Variants in HMCES observed in about 807,000 individuals in gnomAD.
HMCES encodes the protein 5-hydroxymethylcytosine binding, ES cell specific.
Under a neutral mutation model 35.1 loss-of-function variants are expected in HMCES, and 27 were observed. The observed-to-expected ratio is 0.77, with a 90% CI of 0.57 to 1.06. The LOEUF is 1.06. Among genes scored for constraint, HMCES ranks in the 50% least tolerant of loss-of-function variants. The pLI, the probability that HMCES is intolerant of heterozygous loss-of-function variation, is 0.00. For synonymous variants in HMCES, 130 were observed against 154.7 expected (o/e 0.84, Z 1.18); for missense variants, 391 against 430.4 (o/e 0.91, Z 0.81).
rs749565505 is a variant in HMCES, at chr3:129,301,947, C to T, written c.636-3C>T. 6.2e-7 allele frequency: 1 copy of T among 1,610,456 alleles called. No individual in the cohort carries two copies. The highest frequency in any genetic ancestry group is 1.7e-5 in the Admixed American group (1 of 59,648). On this transcript the variant is annotated splice_polypyrimidine_tract_variant and splice_region_variant and intron_variant, in intron 5 of 6. Transcript: ENST00000383463. The stretch of plus-strand genomic sequence containing the variant: ...CAACCATTGTCTTAACTTCCCTGGC[C>T]AGGATGCCTGCCATATTAGATGGAG...
rs1387685560 is a variant in HMCES at position 129,305,149 on chromosome 3, T to A, written c.*324T>A. ...CTGGGAAGTCTCTGCCCTGATCTGGTACTCCTTGTAGTAAGCTGTTTTCTG... is the reference window on the plus strand; with the variant it reads ...CTGGGAAGTCTCTGCCCTGATCTGGAACTCCTTGTAGTAAGCTGTTTTCTG... On this transcript the variant is annotated 3_prime_UTR_variant, in exon 7 of 7. Coordinates refer to ENST00000383463, the MANE Select transcript of HMCES (RefSeq NM_020187.3). 6.2e-6 allele frequency: 2 copies of A among 322,272 alleles called. No homozygotes were observed. Among genetic ancestry groups the A allele is most frequent in the East Asian group, 1.1e-4 (2 of 18,538 alleles). The allele number at this position is 322,272 out of a possible 1,614,324, so 20.0% of individuals were successfully genotyped here. A position where few individuals can be genotyped will look rare whatever the true frequency, so the allele number is the denominator to read the frequency against.
chr3:129,303,282 T>G (rs564316954), intron 6 of HMCES, among the ~76,000 whole-genome samples: 1 of 152,316 alleles, frequency 6.6e-6, no homozygotes, highest in South Asian at 2.1e-4. Context: ...ACTTGGAATG[T>G]TCCAAGAATA....
chr3:129,291,031 C>A (rs1008973921), intron 4 of HMCES, among the ~76,000 whole-genome samples: 1 of 151,940 alleles, frequency 6.6e-6, no homozygotes, highest in Non-Finnish European at 1.5e-5. Flanking sequence ...GGTGAAACCC[C>A]GTCTCTACAA....
intron 4 of HMCES, among the ~76,000 whole-genome samples, chr3:129,295,821 G>T (rs904116427): frequency 6.6e-6 from 1 of 152,108 alleles, no homozygotes; most frequent in African/African-American, 2.4e-5. Flanking sequence ...TGAATACATT[G>T]TGTGTATGTG....
At chr3:129,303,193 C>T (rs73862884) in intron 6 of HMCES, among the ~76,000 whole-genome samples, 10,095 of 152,070 alleles carry the variant, frequency 0.066, 1,083 homozygotes, top group African/African-American at 0.23. Context: ...AAAAAGCTGG[C>T]CCCCACTGAC....
chr3:129,287,137 A>G (rs1013075203), intron 2 of HMCES, among the ~76,000 whole-genome samples: 9 of 152,160 alleles, frequency 5.9e-5, no homozygotes, highest in African/African-American at 2.2e-4. Flanking sequence ...GGATACTGCA[A>G]GCATGTTACT....
intron 2 of HMCES, among the ~76,000 whole-genome samples, chr3:129,286,362 C>T (rs1218095361): frequency 6.6e-6 from 1 of 152,136 alleles, no homozygotes; most frequent in African/African-American, 2.4e-5. Flanking sequence ...GAAAGTGGGC[C>T]CTCACCAGAC....
intron 4 of HMCES, among the ~76,000 whole-genome samples, chr3:129,295,256 C>T (rs2071078068): frequency 6.7e-6 from 1 of 149,190 alleles, no homozygotes; most frequent in Non-Finnish European, 1.5e-5. Context: ...TTAGTATATT[C>T]AAAACCTTGG....
At chr3:129,287,628 A>C (rs1221674594) in intron 2 of HMCES, among the ~76,000 whole-genome samples, 1 of 152,146 alleles carries the variant, frequency 6.6e-6, no homozygotes, top group Non-Finnish European at 1.5e-5. Context: ...AACCACCCTT[A>C]TGAGTTGGGG....
rs2071226495 is a variant in HMCES, at chr3:129,305,778, T to C, written c.*953T>C. 1 of 152,278 alleles carries C rather than the reference T, an allele frequency of 6.6e-6. No homozygotes were observed. The highest frequency in any genetic ancestry group is 1.5e-5 in the Non-Finnish European group (1 of 68,110). 9.4% of individuals were successfully genotyped at this position (152,278 alleles called of 1,614,324 possible). On this transcript the variant is annotated 3_prime_UTR_variant, in exon 7 of 7. Transcript: ENST00000383463. The stretch of plus-strand genomic sequence containing the variant: ...GGGGGCGGGGGTGCAGGCCCCAGTC[T>C]CTATGCAAATCAGGGATCAGAAGAT...
chr3:129,297,076 GGT>G (rs2071102364), intron 4 of HMCES, among the ~76,000 whole-genome samples: 1 of 152,128 alleles, frequency 6.6e-6, no homozygotes. Context: ...CAAGTGCTCT[GGT>G]GTTATCCAGT....
chr3:129,287,195 T>G (rs367674908), intron 2 of HMCES, among the ~76,000 whole-genome samples: 71 of 138,058 alleles, frequency 5.1e-4, no homozygotes, highest in Admixed American at 1.2e-3. Flanking sequence ...AGTGTTTTTG[T>G]TTTTTTTTGT....
At chr3:129,289,525 TTTATTG>T (rs1940739283) in intron 3 of HMCES, among the ~76,000 whole-genome samples, 3 of 152,188 alleles carry the variant, frequency 2.0e-5, no homozygotes, top group Admixed American at 2.0e-4. Flanking sequence ...GCTGTATTCT[TTTATTG>T]TTATTGTTTA....
At chr3:129,296,022 T>G (rs1266472669) in intron 4 of HMCES, among the ~76,000 whole-genome samples, 1 of 152,200 alleles carries the variant, frequency 6.6e-6, no homozygotes, top group Non-Finnish European at 1.5e-5. Context: ...TTTCTTTCTT[T>G]TTTTCTTCTC....
chr3:129,303,828 G>A (rs1186763449), intron 6 of HMCES, among the ~76,000 whole-genome samples: 2 of 151,624 alleles, frequency 1.3e-5, no homozygotes, highest in Non-Finnish European at 2.9e-5. Flanking sequence ...CTGCAGCCTC[G>A]AACTCCTGGG....
chr3:129,297,040 C>T (rs1243963081), intron 4 of HMCES, among the ~76,000 whole-genome samples: 2 of 152,180 alleles, frequency 1.3e-5, no homozygotes, highest in Non-Finnish European at 2.9e-5. Flanking sequence ...GACCAGGCTA[C>T]AGTGCCTTTG....
intron 6 of HMCES, among the ~76,000 whole-genome samples, chr3:129,303,863 C>T (rs2071201557): frequency 6.6e-6 from 1 of 152,148 alleles, no homozygotes; most frequent in Non-Finnish European, 1.5e-5. Flanking sequence ...CCACCTCAGC[C>T]TCCCAGGTAG....
intron 2 of HMCES, among the ~76,000 whole-genome samples, chr3:129,280,649 T>C (rs568209674): frequency 1.3e-5 from 2 of 152,360 alleles, no homozygotes; most frequent in South Asian, 4.1e-4. Context: ...TTTTATTCTT[T>C]CTGCTTGTGT....
chr3:129,288,751 AT>A, intron 2 of HMCES, 102 bp from the exon 3 acceptor site: 1 of 941,906 alleles, frequency 1.1e-6, no homozygotes, highest in Non-Finnish European at 1.4e-6. Context: ...ATAATCTTGA[AT>A]TCTTTATATT....
Sources: gnomAD v4.1 joint callset for allele counts (sites outside exome capture counted in the v4.1 genomes callset) on GRCh38, gnomAD v4.1.1 for gene constraint, MANE v1.5 for transcripts, NCBI Gene and HGNC (gene_info 2026-07-23, HGNC 2026-07-21) for gene names.